Variants in CNTLN observed in about 807,000 individuals in gnomAD.
CNTLN encodes the protein centlein.
Under a neutral mutation model 180.0 loss-of-function variants are expected in CNTLN, and 212 were observed. The observed-to-expected ratio is 1.18, with a 90% CI of 1.05 to 1.32. CNTLN has a LOEUF of 1.32. CNTLN is among the 40% of genes most tolerant of loss of function. The pLI, the probability that CNTLN is intolerant of heterozygous loss-of-function variation, is 0.00. For synonymous variants in CNTLN, 722 were observed against 563.1 expected (o/e 1.28, Z -3.99); for missense variants, 2,095 against 1,610.9 (o/e 1.30, Z -5.14).
the CNTLN span, among the ~76,000 whole-genome samples, chr9:17,523,775 G>T: frequency 4.6e-5 from 7 of 152,164 alleles, no homozygotes; most frequent in South Asian, 1.5e-3. Context: ...TAGAATAGCT[G>T]GTATCTTTTG....
chr9:17,337,329 C>T (rs1438577927), intron 10 of CNTLN, among the ~76,000 whole-genome samples: 4 of 149,544 alleles, frequency 2.7e-5, no homozygotes, highest in African/African-American at 1.0e-4. Context: ...TCCCATTTGT[C>T]AATTTTGGCT....
chr9:17,155,752 C>G (rs1167991713), intron 2 of CNTLN, among the ~76,000 whole-genome samples: 2 of 152,006 alleles, frequency 1.3e-5, no homozygotes, highest in African/African-American at 2.4e-5. Context: ...TGGCTTCTCT[C>G]TGGCTTGTGT....
intron 23 of CNTLN, among the ~76,000 whole-genome samples, chr9:17,477,788 G>T (rs1177174692): frequency 6.6e-6 from 1 of 152,192 alleles, no homozygotes; most frequent in Non-Finnish European, 1.5e-5. Flanking sequence ...GAACATTGTA[G>T]AAATGACAAC....
intron 7 of CNTLN, chr9:17,299,465 A>G (rs1818197328): frequency 1.0e-6 from 1 of 980,782 alleles, no homozygotes. Flanking sequence ...CTAAAAAATC[A>G]CTGTGAAAAT....
chr9:17,190,496 T>A (rs1378512932), intron 2 of CNTLN, among the ~76,000 whole-genome samples: 1 of 152,138 alleles, frequency 6.6e-6, no homozygotes, highest in Admixed American at 6.5e-5. Flanking sequence ...TATTAAAATT[T>A]TTCATTTAAA....
At chr9:17,246,199 C>T (rs7034768) in intron 5 of CNTLN, among the ~76,000 whole-genome samples, 31,236 of 151,896 alleles carry the variant, frequency 0.21, 4,093 homozygotes, top group African/African-American at 0.37. Context: ...TCCTAGTATT[C>T]GAAGGGACTT....
At chr9:17,303,069 T>C (rs1953106) in intron 7 of CNTLN, among the ~76,000 whole-genome samples, 34,804 of 152,176 alleles carry the variant, frequency 0.23, 4,237 homozygotes, top group South Asian at 0.36. Context: ...TGTGGTATTG[T>C]TATTTTTATC....
chr9:17,490,898 G>C (rs1441703431), intron 25 of CNTLN, among the ~76,000 whole-genome samples: 3 of 152,066 alleles, frequency 2.0e-5, no homozygotes, highest in South Asian at 2.1e-4. Flanking sequence ...ATTCTGTCTA[G>C]TGGCTGTAAA....
chr9:17,172,124 C>T (rs944527423), intron 2 of CNTLN, among the ~76,000 whole-genome samples: 6 of 152,058 alleles, frequency 3.9e-5, no homozygotes, highest in African/African-American at 1.2e-4. Flanking sequence ...GCAGCTTCTT[C>T]TAGGGGGTGG....
chr9:17,236,320 GT>G, intron 4 of CNTLN, 88 bp from the exon 5 acceptor site: 1 of 1,124,306 alleles, frequency 8.9e-7, no homozygotes. Context: ...AAACTGCACA[GT>G]TTGTATTTGC....
chr9:17,273,337 G>T (rs989088258), intron 5 of CNTLN, among the ~76,000 whole-genome samples: 1 of 152,072 alleles, frequency 6.6e-6, no homozygotes, highest in Non-Finnish European at 1.5e-5. Flanking sequence ...AAATGTATCT[G>T]TGTATTTGCA....
chr9:17,239,592 A>G (rs1163625678), intron 5 of CNTLN, among the ~76,000 whole-genome samples: 1 of 152,108 alleles, frequency 6.6e-6, no homozygotes, highest in Non-Finnish European at 1.5e-5. Flanking sequence ...TAGGAGTTTT[A>G]TAGTTTTATG....
At chr9:17,414,921 C>G (rs1399898113) in intron 16 of CNTLN, among the ~76,000 whole-genome samples, 1 of 152,036 alleles carries the variant, frequency 6.6e-6, no homozygotes, top group Non-Finnish European at 1.5e-5. Flanking sequence ...GAAACCCCAT[C>G]TCTACCAAAA....
At chr9:17,160,659 T>G (rs940061673) in intron 2 of CNTLN, among the ~76,000 whole-genome samples, 2 of 152,190 alleles carry the variant, frequency 1.3e-5, no homozygotes, top group Non-Finnish European at 2.9e-5. Flanking sequence ...TTTTACATCT[T>G]TACTTTGAGA....
chr9:17,521,167 A>C, the CNTLN span, among the ~76,000 whole-genome samples: 1 of 151,902 alleles, frequency 6.6e-6, no homozygotes, highest in Non-Finnish European at 1.5e-5. Flanking sequence ...AAGATTCTGC[A>C]TTATTTAGGA....
intron 14 of CNTLN, among the ~76,000 whole-genome samples, chr9:17,392,103 A>G (rs1173713115): frequency 3.9e-5 from 6 of 152,090 alleles, no homozygotes; most frequent in African/African-American, 1.4e-4. Flanking sequence ...CCCCATCTCT[A>G]CAAAATATAA....
rs770750464 is a variant in CNTLN at position 17,409,458 on chromosome 9, T to G, written c.2781T>G (p.Asp927Glu). Residue 927 changes from aspartate to glutamate, a missense_variant, in exon 16 of 26, where the codon GAT becomes GAG. Asp to Glu is a conservative substitution (Grantham distance 45, BLOSUM62 2). Coordinates refer to ENST00000380647, the MANE Select transcript of CNTLN (RefSeq NM_017738.4). ...KEIVQTYLNI[D>E]GKTPKDYFHD... is the part of the protein sequence containing the mutation. ...TAGTACAGACATATTTAAATATAGA[T>G]GGCAAGACCCCAAAGGTAAATGACA... is the stretch of plus-strand genomic sequence containing the variant. 1 of 1,599,204 alleles carries G rather than the reference T, an allele frequency of 6.3e-7. No individual in the cohort carries two copies. Among genetic ancestry groups the G allele is most frequent in the South Asian group, 1.1e-5 (1 of 87,780 alleles).
At chr9:17,294,762 C>T (rs1191205244) in intron 6 of CNTLN, among the ~76,000 whole-genome samples, 1 of 98,656 alleles carries the variant, frequency 1.0e-5, no homozygotes, top group Non-Finnish European at 2.1e-5. Context: ...TGCGCAGGAG[C>T]CCACCGCGGG....
In CNTLN at chr9:17,502,862, A is replaced by G; in HGVS notation, c.*210A>G. On this transcript the variant is annotated 3_prime_UTR_variant, in exon 26 of 26. Coordinates refer to ENST00000380647, the MANE Select transcript of CNTLN (RefSeq NM_017738.4). Reference sequence around the variant, plus strand: ...TTAAAAGGAAATAGTGTAGCATCTGATGGTCGAATACAAATATTGCCACAA... The same window carrying G: ...TTAAAAGGAAATAGTGTAGCATCTGGTGGTCGAATACAAATATTGCCACAA... The G allele has an allele frequency of 3.6e-6, 1 of 276,248 alleles. No individual in the cohort carries two copies. Among genetic ancestry groups the G allele is most frequent in the Non-Finnish European group, 6.8e-6 (1 of 148,138 alleles). 17.1% of individuals were successfully genotyped at this position (276,248 alleles called of 1,614,324 possible).
Sources: allele counts gnomAD v4.1 joint callset (sites outside exome capture counted in the v4.1 genomes callset), GRCh38; gene constraint gnomAD v4.1.1; transcripts MANE v1.5; gene names NCBI Gene and HGNC (gene_info 2026-07-23, HGNC 2026-07-21).